XPC: variants seen among roughly 807,000 people sequenced by gnomAD.
The protein encoded by XPC is XPC complex subunit, DNA damage recognition and repair factor.
XPC carries 76 observed loss-of-function variants against 95.8 expected under a neutral mutation model. The observed-to-expected ratio is 0.79, with a 90% CI of 0.66 to 0.96. The LOEUF (loss-of-function observed/expected upper bound fraction) is 0.96, where lower values mean the gene tolerates loss of function less well. Among genes scored for constraint, XPC ranks in the 40% least tolerant of loss-of-function variants. The pLI, the probability that XPC is intolerant of heterozygous loss-of-function variation, is 0.00. For missense variants in XPC, 1,146 were observed against 1,179.8 expected, an observed-to-expected ratio of 0.97 and a Z score of 0.42; for synonymous variants, 442 against 442.1, an observed-to-expected ratio of 1.00 and a Z score of 0.00.
At chr3:14,161,277 A>C (rs563359509) in intron 7 of XPC, among the ~76,000 whole-genome samples, 1 of 152,312 alleles carries the variant, frequency 6.6e-6, no homozygotes, top group East Asian at 1.9e-4. Context: ...AATTTACCTC[A>C]ATCTTTCTCC....
chr3:14,145,845 G>C lies in XPC; in HGVS notation c.*96C>G, dbSNP rs2229090. 0.25 allele frequency: 365,727 copies of C among 1,460,900 alleles called. 47,839 individuals are homozygous for C. Among genetic ancestry groups the C allele is most frequent in the East Asian group, 0.38 (16,434 of 43,352 alleles). The allele number at this position is 1,460,900 out of a possible 1,614,324, so 90.5% of individuals were successfully genotyped here. On this transcript the variant is annotated 3_prime_UTR_variant, in exon 16 of 16. Coordinates refer to ENST00000285021, the MANE Select transcript of XPC (RefSeq NM_004628.5). Reference sequence around the variant, plus strand: ...CTCAGTTTGCCTTCTCAGCAGAGAAGCCCCCACCACCAGGGGCTGGGCATG... The same window carrying C: ...CTCAGTTTGCCTTCTCAGCAGAGAACCCCCCACCACCAGGGGCTGGGCATG...
At chr3:14,171,446 T>C (rs1696608233) in intron 2 of XPC, among the ~76,000 whole-genome samples, 1 of 152,214 alleles carries the variant, frequency 6.6e-6, no homozygotes, top group Non-Finnish European at 1.5e-5. Flanking sequence ...AGAGCTTTCC[T>C]TGGCAGTATC....
intron 11 of XPC, among the ~76,000 whole-genome samples, chr3:14,150,198 G>T (rs960502263): frequency 6.6e-6 from 1 of 152,250 alleles, no homozygotes; most frequent in Non-Finnish European, 1.5e-5. Context: ...CGCAGGACAG[G>T]CAAGGACAGA....
intron 7 of XPC, among the ~76,000 whole-genome samples, chr3:14,164,109 T>C (rs1040268634): frequency 6.6e-6 from 1 of 152,228 alleles, no homozygotes; most frequent in East Asian, 1.9e-4. Context: ...TTATCAGCCT[T>C]GCCAAATATC....
Position 14,170,473 on chromosome 3 carries a change from T to C in XPC, c.377A>G (p.Glu126Gly). Residue 126 changes from glutamate (E) to glycine (G), a missense_variant, in exon 3 of 16, where the codon GAG becomes GGG. Glu to Gly is a moderately conservative substitution (Grantham distance 98). Coordinates refer to ENST00000285021, the MANE Select transcript of XPC (RefSeq NM_004628.5). ...ATMNEDSNEE[E>G]EESENDWEEV... ...TTCCCAATCATTTTCACTTTCTTCC[T>C]CTTCTTCATTGCTGTCTTCATTCAT... 1 of 1,613,880 alleles carries C rather than the reference T, an allele frequency of 6.2e-7. No homozygotes were observed. Among genetic ancestry groups the C allele is most frequent in the Middle Eastern group, 1.6e-4 (1 of 6,062 alleles).
chr3:14,147,628 C>T (rs1695493703), intron 14 of XPC: 2 of 602,586 alleles, frequency 3.3e-6, no homozygotes, highest in Non-Finnish European at 5.8e-6. Flanking sequence ...GTGAGGTCTT[C>T]CAGAACCTGG....
rs182782193 is a variant in XPC at position 14,168,246 on chromosome 3, C to A, written c.536+11G>T. 48 of 1,608,110 alleles carry A rather than the reference C, an allele frequency of 3.0e-5. No individual in the cohort carries two copies. The East Asian group carries it at 1.0e-3, about 34-fold the overall frequency. Reference sequence around the variant, plus strand: ...TGTGACAGGAGCCTAGAAGCAAGGGCCTAAGCTTACCTTCTTTCTCTTGTC... The same window carrying A: ...TGTGACAGGAGCCTAGAAGCAAGGGACTAAGCTTACCTTCTTTCTCTTGTC... On this transcript the variant is annotated intron_variant, in intron 4 of 15. Transcript: ENST00000285021.
chr3:14,172,776 C>G, intron 2 of XPC, 91 bp downstream of exon 2: 1 of 1,386,176 alleles, frequency 7.2e-7, no homozygotes, highest in Non-Finnish European at 9.8e-7. Context: ...TCCATGGACC[C>G]CAGTGACAAG....
intron 1 of XPC, among the ~76,000 whole-genome samples, chr3:14,176,294 G>A (rs988688574): frequency 2.0e-5 from 3 of 152,062 alleles, no homozygotes; most frequent in Admixed American, 6.6e-5. Context: ...CTAGAATACC[G>A]GCCCCTTTTT....
At chr3:14,167,733 C>CCTAGTAATGTGCCTAGTAA in intron 4 of XPC, among the ~76,000 whole-genome samples, 1 of 152,330 alleles carries the variant, frequency 6.6e-6, no homozygotes, top group Admixed American at 6.5e-5. Context: ...TCTCCCTCTT[C>CCTAGTAATGTGCCTAGTAA]TGTGCCTAGT....
chr3:14,150,403 T>C (rs1695641103), intron 11 of XPC, among the ~76,000 whole-genome samples: 1 of 152,220 alleles, frequency 6.6e-6, no homozygotes, highest in Non-Finnish European at 1.5e-5. Flanking sequence ...ATTCCCCAGG[T>C]TGGGGGTGGC....
At chr3:14,152,230 T>C (rs992026490) in intron 11 of XPC, 105 bp downstream of exon 11, 1 of 899,182 alleles carries the variant, frequency 1.1e-6, no homozygotes, top group African/African-American at 1.7e-5. Flanking sequence ...ATCAGGATCC[T>C]GGGCAGGACT....
At chr3:14,178,226 GAA>G in intron 1 of XPC, 1 of 528,438 alleles carries the variant, frequency 1.9e-6, no homozygotes, top group Non-Finnish European at 3.3e-6. Flanking sequence ...CGGGGAGCGG[GAA>G]AAAAGCTACG....
intron 7 of XPC, among the ~76,000 whole-genome samples, chr3:14,163,562 A>C (rs1696248704): frequency 6.6e-6 from 1 of 152,242 alleles, no homozygotes; most frequent in South Asian, 2.1e-4. Context: ...CCACAGAGAC[A>C]CAAGACAGAT....
Position 14,158,846 on chromosome 3 carries a change from G to A in XPC, c.1037C>T (p.Ser346Phe), listed in dbSNP as rs1263893118. The A allele has an allele frequency of 1.2e-6, 2 of 1,613,826 alleles. No homozygotes were observed. Among genetic ancestry groups the A allele is most frequent in the Non-Finnish European group, 1.7e-6 (2 of 1,179,892 alleles). Residue 346 changes from serine to phenylalanine, a missense_variant, in exon 9 of 16, where the codon TCC (serine) becomes TTC (phenylalanine). By Grantham distance (155) the Ser-to-Phe change is radical (BLOSUM62 -2). Coordinates refer to ENST00000285021, the MANE Select transcript of XPC (RefSeq NM_004628.5). The surrounding 1 kb of genome is among the most constrained non-coding windows in gnomAD (Gnocchi z 5.2). ...KERLTADPGG[S>F]SETSSQVLEN... is the part of the protein sequence containing the mutation. ...TAGAACTTGGCTGGAAGTTTCTGAGGAGCCTCCTGGATCCGCAGTCAATCT... is the reference window on the plus strand; with the variant it reads ...TAGAACTTGGCTGGAAGTTTCTGAGAAGCCTCCTGGATCCGCAGTCAATCT...
chr3:14,152,405 T>C lies in XPC; in HGVS notation c.2045A>G (p.His682Arg). The C allele has an allele frequency of 6.2e-7, 1 of 1,611,868 alleles. No individual in the cohort carries two copies. Among genetic ancestry groups the C allele is most frequent in the Non-Finnish European group, 8.5e-7 (1 of 1,179,006 alleles). Residue 682 changes from histidine to arginine, a missense_variant, in exon 11 of 16, where the codon CAC becomes CGC. Transcript: ENST00000285021. The stretch of plus-strand genomic sequence containing the variant: ...CCACGTGTCCCTGGAATGCAGAGTG[T>C]GCACACAATCCCTGTGGAACCAACA... Reference protein sequence around the residue: ...GEAVYSRDCVHTLHSRDTWLK... With the variant: ...GEAVYSRDCVRTLHSRDTWLK...
At chr3:14,165,883 T>A (rs535858932) in intron 5 of XPC, 3 of 316,912 alleles carry the variant, frequency 9.5e-6, no homozygotes, top group African/African-American at 6.4e-5. Context: ...CAGAGATACA[T>A]ACTGAAAGAT....
At chr3:14,156,930 C>T (rs181068967) in intron 9 of XPC, among the ~76,000 whole-genome samples, 3 of 152,340 alleles carry the variant, frequency 2.0e-5, no homozygotes, top group South Asian at 2.1e-4. Flanking sequence ...CTTTTCTCTT[C>T]GTCCACTATG....
intron 10 of XPC, among the ~76,000 whole-genome samples, chr3:14,155,158 G>A (rs1028660274): frequency 5.3e-5 from 8 of 152,184 alleles, no homozygotes; most frequent in Admixed American, 5.2e-4. Context: ...CCAAGACAGG[G>A]CAGAGCCCTG....
Sources: allele counts gnomAD v4.1 joint callset (sites outside exome capture counted in the v4.1 genomes callset), GRCh38; gene constraint gnomAD v4.1.1; non-coding constraint Gnocchi (gnomAD v3.1); transcripts MANE v1.5; gene names NCBI Gene and HGNC (gene_info 2026-07-23, HGNC 2026-07-21).